The following SDE2 variants were observed in gnomAD, a reference collection of about 807,000 sequenced individuals.
SDE2 encodes the protein splicing regulator SDE2.
In SDE2, 31 loss-of-function variants were observed where a neutral mutation model predicts 46.9. That is an observed-to-expected ratio of 0.66 (90% CI 0.50 to 0.89). The LOEUF (loss-of-function observed/expected upper bound fraction) is 0.89. Among genes scored for constraint, SDE2 ranks in the 40% least tolerant of loss-of-function variants. The probability of loss-of-function intolerance (pLI) is 0.00; values close to 1 mark genes in which losing one functional copy is unlikely to be tolerated. For missense variants in SDE2, 542 were observed against 564.4 expected, an observed-to-expected ratio of 0.96 and a Z score of 0.40; for synonymous variants, 205 against 204.3, an observed-to-expected ratio of 1.00 and a Z score of -0.03.
rs1207195150 is a variant in SDE2 at position 225,983,038 on chromosome 1, T to G, written c.*2264A>C. On this transcript the variant is annotated 3_prime_UTR_variant, in exon 7 of 7. Transcript: ENST00000272091. ...TTAAAATACAATTATAAAATAATCT[T>G]ATCTAAACAGGAAACATGTAAATTA... The G allele has an allele frequency of 6.6e-6, 1 of 152,136 alleles. No homozygotes were observed. The highest frequency in any genetic ancestry group is 2.4e-5 in the African/African-American group (1 of 41,460). 9.4% of individuals were successfully genotyped at this position (152,136 alleles called of 1,614,324 possible).
chr1:225,998,672 G>C (rs558532415), intron 1 of SDE2, among the ~76,000 whole-genome samples: 37 of 152,276 alleles, frequency 2.4e-4, no homozygotes, highest in African/African-American at 8.2e-4. Context: ...TAAGAACCCA[G>C]GCCCTCAACA....
At chr1:225,986,235 A>G (rs911230543) in intron 6 of SDE2, among the ~76,000 whole-genome samples, 1 of 151,944 alleles carries the variant, frequency 6.6e-6, no homozygotes, top group African/African-American at 2.4e-5. Flanking sequence ...AGTCTCAGCT[A>G]CTTGGGAGAC....
At chr1:225,997,432 T>C (rs1656553736) in intron 1 of SDE2, among the ~76,000 whole-genome samples, 1 of 152,214 alleles carries the variant, frequency 6.6e-6, no homozygotes, top group Non-Finnish European at 1.5e-5. Context: ...TTTATATTTC[T>C]TTATATATAC....
chr1:225,991,637 C>A (rs1225194742), intron 4 of SDE2, among the ~76,000 whole-genome samples: 1 of 152,128 alleles, frequency 6.6e-6, no homozygotes, highest in African/African-American at 2.4e-5. Context: ...AATTATTTAT[C>A]CCTGCGTTAG....
intron 1 of SDE2, among the ~76,000 whole-genome samples, chr1:225,998,807 G>A (rs1162614580): frequency 1.3e-5 from 2 of 152,192 alleles, no homozygotes; most frequent in Non-Finnish European, 2.9e-5. Context: ...AAGGCTGTGT[G>A]ATGAGTGGAC....
chr1:225,988,511 A>C, intron 5 of SDE2, 123 bp from the exon 6 acceptor site: 1 of 894,196 alleles, frequency 1.1e-6, no homozygotes, highest in Non-Finnish European at 1.7e-6. Flanking sequence ...CAGGCAGATC[A>C]CGAAGTCAGT....
chr1:225,988,670 G>C (rs548728033), intron 5 of SDE2, among the ~76,000 whole-genome samples: 2 of 152,062 alleles, frequency 1.3e-5, no homozygotes, highest in South Asian at 4.1e-4. Flanking sequence ...CAGAGGTTGC[G>C]GTGAGACGAG....
chr1:225,998,773 A>T (rs1283500270), intron 1 of SDE2, among the ~76,000 whole-genome samples: 3 of 152,188 alleles, frequency 2.0e-5, no homozygotes, highest in Non-Finnish European at 4.4e-5. Context: ...TGGATATGAC[A>T]TACTTCTCTA....
chr1:225,990,479 T>C (rs1292282583), intron 5 of SDE2, among the ~76,000 whole-genome samples: 1 of 152,142 alleles, frequency 6.6e-6, no homozygotes, highest in Non-Finnish European at 1.5e-5. Flanking sequence ...AACGTGACTA[T>C]ATAGTACATA....
rs1412094957 is a variant in SDE2 at position 225,987,907 on chromosome 1, G to C, written c.1123C>G (p.Pro375Ala). The C allele has an allele frequency of 4.3e-6, 7 of 1,611,266 alleles. No homozygotes were observed. The highest frequency in any genetic ancestry group is 5.9e-6 in the Non-Finnish European group (7 of 1,179,052). Residue 375 changes from proline to alanine, a missense_variant, in exon 6 of 7, where the codon CCA (proline) becomes GCA (alanine). Pro to Ala is a conservative substitution (Grantham distance 27). This residue lies in a region of SDE2 where 401 missense variants were observed against 437.8 expected (regional missense o/e 0.92). Transcript: ENST00000272091. ...CAAAACATACTTACTGCGTTTCCTG[G>C]CTGGCTTTCCTGCAGTTTGGCAACG... ...VAVAKLQESQ[P>A]GNAVIDKETI...
In SDE2 at chr1:225,991,122, T is replaced by C. The variant is rs1274824325; in HGVS notation, c.641+121A>G. 3.4e-6 allele frequency: 3 copies of C among 895,008 alleles called. No homozygotes were observed. The East Asian group carries it at 7.5e-5, about 22-fold the overall frequency. 55.4% of individuals were successfully genotyped at this position (895,008 alleles called of 1,614,324 possible). A position where few individuals can be genotyped will look rare whatever the true frequency, so the allele number is the denominator to read the frequency against. ...CTGAAACCTAAAGCTTGAAGCACTCTGGAAATTTTCTGAGCTCCCACCAAA... is the reference window on the plus strand; with the variant it reads ...CTGAAACCTAAAGCTTGAAGCACTCCGGAAATTTTCTGAGCTCCCACCAAA... On this transcript the variant is annotated intron_variant, in intron 5 of 6. Coordinates refer to ENST00000272091, the MANE Select transcript of SDE2 (RefSeq NM_152608.4).
At position 225,985,359 on chromosome 1, in the gene SDE2, T is replaced by C. The variant is rs1242223548; in HGVS notation, c.1299A>G (p.Ala433=). The C allele has an allele frequency of 6.2e-7, 1 of 1,614,246 alleles. No homozygotes were observed. Residue 433 remains alanine, a synonymous_variant, in exon 7 of 7, where the codon GCA becomes GCG. Transcript: ENST00000272091. The part of the protein sequence containing the change: ...AARLFSVRGL[A]KEQIDPALFA... Reference sequence around the variant, plus strand: ...ATAAAGCCGGGTCAATTTGCTCCTTTGCCAGTCCTCTGACAGAGAAGAGTC... The same window carrying C: ...ATAAAGCCGGGTCAATTTGCTCCTTCGCCAGTCCTCTGACAGAGAAGAGTC...
chr1:225,986,953 T>C (rs773693240), intron 6 of SDE2, among the ~76,000 whole-genome samples: 2 of 152,222 alleles, frequency 1.3e-5, no homozygotes, highest in Non-Finnish European at 2.9e-5. Context: ...AGCAAACCAT[T>C]AGATCAAAGC....
At chr1:225,987,872 G>C (rs1200224280) in intron 6 of SDE2, 24 bp downstream of exon 6, 1 of 1,587,770 alleles carries the variant, frequency 6.3e-7, no homozygotes, top group South Asian at 1.2e-5. Flanking sequence ...TTGGCTCTAG[G>C]TATCAACCCC....
Position 225,991,370 on chromosome 1 carries a change from A to G in SDE2, c.521-7T>C. On this transcript the variant is annotated splice_polypyrimidine_tract_variant and splice_region_variant and intron_variant, in intron 4 of 6. Transcript: ENST00000272091. ...CTGGAGGCAGCCTGCATACCTAACC[A>G]GAAATTTTAACAACTCAGTTTCTAC... is the stretch of plus-strand genomic sequence containing the variant. 1 of 1,611,358 alleles carries G rather than the reference A, an allele frequency of 6.2e-7. No individual in the cohort carries two copies. The highest frequency in any genetic ancestry group is 1.1e-5 in the South Asian group (1 of 90,910).
Position 225,985,282 on chromosome 1 carries a change from G to A in SDE2, c.*20C>T. ...AAATGGTAGACACTATAAACAAATA[G>A]GAATCAGCTCTGATGATACTCATTT... On this transcript the variant is annotated 3_prime_UTR_variant, in exon 7 of 7. Transcript: ENST00000272091. 6.4e-7 allele frequency: 1 copy of A among 1,572,348 alleles called. No individual in the cohort carries two copies. The highest frequency in any genetic ancestry group is 8.8e-7 in the Non-Finnish European group (1 of 1,141,880).
chr1:225,996,745 G>A (rs1656536918), intron 1 of SDE2, among the ~76,000 whole-genome samples: 1 of 152,184 alleles, frequency 6.6e-6, no homozygotes, highest in Non-Finnish European at 1.5e-5. Context: ...TACAAGATTT[G>A]GGGCTAGGGT....
In SDE2 at chr1:225,992,626, AT is replaced by A. The variant is rs1576176102; in HGVS notation, c.351-60del. On this transcript the variant is annotated intron_variant, in intron 3 of 6. Transcript: ENST00000272091. ...AGATATATTACATATACACTTTTAT[AT>A]ATAAAATGTCTCTGACGAATTAATG... is the stretch of plus-strand genomic sequence containing the variant. 2.0e-5 allele frequency: 22 copies of A among 1,120,438 alleles called. No individual in the cohort carries two copies. The East Asian group carries it at 5.3e-4, about 27-fold the overall frequency. 69.4% of individuals were successfully genotyped at this position (1,120,438 alleles called of 1,614,324 possible).
chr1:225,993,611 C>CA (rs751711694), intron 2 of SDE2, among the ~76,000 whole-genome samples: 1,397 of 116,878 alleles, frequency 0.012, 7 homozygotes, highest in African/African-American at 0.014. Context: ...GGCTCTGTCT[C>CA]AAAAAAAAAA....
Sources: gnomAD v4.1 joint callset for allele counts (sites outside exome capture counted in the v4.1 genomes callset) on GRCh38, gnomAD v4.1.1 for gene constraint, gnomAD v4.1.1 regional missense constraint, MANE v1.5 for transcripts, NCBI Gene and HGNC (gene_info 2026-07-23, HGNC 2026-07-21) for gene names.